The following SGK3 variants were observed in gnomAD, a reference collection of about 807,000 sequenced individuals.
SGK3 encodes the protein serum/glucocorticoid regulated kinase family member 3.
Under a neutral mutation model 68.5 loss-of-function variants are expected in SGK3, and 47 were observed. The ratio of observed to expected loss-of-function variants is 0.69; its 90% CI spans 0.54 to 0.87. The LOEUF is 0.87. Ranked by LOEUF, SGK3 falls within the 40% of genes least tolerant of loss-of-function variation. The pLI is 0.00. For synonymous variants in SGK3, 181 were observed against 189.1 expected (o/e 0.96, Z 0.35); for missense variants, 479 against 575.5 (o/e 0.83, Z 1.72).
intron 1 of SGK3, among the ~76,000 whole-genome samples, chr8:66,715,745 T>A (rs1396290632): frequency 6.6e-6 from 1 of 152,224 alleles, no homozygotes; most frequent in African/African-American, 2.4e-5. Flanking sequence ...TAGCCCTTGG[T>A]ACCTAAAGTA....
chr8:66,824,475 A>T (rs1808974069), intron 6 of SGK3, among the ~76,000 whole-genome samples: 7 of 152,174 alleles, frequency 4.6e-5, no homozygotes, highest in Admixed American at 4.6e-4. Flanking sequence ...AAAAATGTAC[A>T]GTAAAATATT....
chr8:66,838,666 T>C (rs753198903), intron 10 of SGK3, among the ~76,000 whole-genome samples: 1 of 152,124 alleles, frequency 6.6e-6, no homozygotes, highest in Non-Finnish European at 1.5e-5. Context: ...GAGGAAGGCT[T>C]GTCATCTGAA....
chr8:66,806,587 C>T (rs780866966), intron 4 of SGK3, among the ~76,000 whole-genome samples: 1 of 151,792 alleles, frequency 6.6e-6, no homozygotes, highest in Non-Finnish European at 1.5e-5. Flanking sequence ...CTGAGGTGGG[C>T]GGATCACTTG....
chr8:66,836,241 C>A (rs1308423787), intron 10 of SGK3, among the ~76,000 whole-genome samples, 167 bp downstream of exon 10: 2 of 152,126 alleles, frequency 1.3e-5, no homozygotes, highest in Non-Finnish European at 2.9e-5. Context: ...TAACACAGAG[C>A]TTTTAAGCAT....
At chr8:66,751,889 C>T (rs1447526873) in intron 1 of SGK3, among the ~76,000 whole-genome samples, 2 of 152,032 alleles carry the variant, frequency 1.3e-5, no homozygotes, top group African/African-American at 4.8e-5. Context: ...CCTCAGCCTC[C>T]CGAGTAACTG....
At chr8:66,857,788 AGTGTGTGTGTATGTGTGTGT>A (rs1403099901) in intron 16 of SGK3, among the ~76,000 whole-genome samples, 1,724 of 115,488 alleles carry the variant, frequency 0.015, 38 homozygotes, top group African/African-American at 0.053. Flanking sequence ...GTCTCAAAAA[AGTGTGTGTGTATGTGTGTGT>A]GTGTGTGTGT....
chr8:66,715,654 T>C (rs1042285854), intron 1 of SGK3, among the ~76,000 whole-genome samples: 1 of 152,260 alleles, frequency 6.6e-6, no homozygotes, highest in African/African-American at 2.4e-5. Flanking sequence ...ATGTGTTTTA[T>C]TGAAATGTTG....
intron 1 of SGK3, among the ~76,000 whole-genome samples, chr8:66,785,560 C>A (rs1807164166): frequency 1.3e-5 from 2 of 152,304 alleles, no homozygotes; most frequent in South Asian, 4.1e-4. Flanking sequence ...CACCGCCCGC[C>A]ACTCCCCCAC....
intron 4 of SGK3, among the ~76,000 whole-genome samples, chr8:66,809,487 T>C (rs1808295578): frequency 6.6e-6 from 1 of 152,106 alleles, no homozygotes; most frequent in Non-Finnish European, 1.5e-5. Flanking sequence ...AAAGTAATTA[T>C]CATAGCAGGT....
chr8:66,728,737 A>C (rs113277911), intron 1 of SGK3, among the ~76,000 whole-genome samples: 19,376 of 151,862 alleles, frequency 0.13, 2,312 homozygotes, highest in African/African-American at 0.31. Flanking sequence ...ACCCCACCTC[A>C]ACAACAACAA....
chr8:66,793,432 C>T (rs1443386924), intron 1 of SGK3, among the ~76,000 whole-genome samples, 184 bp from the exon 2 acceptor site: 1 of 152,116 alleles, frequency 6.6e-6, no homozygotes, highest in African/African-American at 2.4e-5. Context: ...GGTAGATGGG[C>T]TGCAGATATT....
intron 1 of SGK3, among the ~76,000 whole-genome samples, chr8:66,736,302 A>G (rs1480189719): frequency 6.6e-6 from 1 of 152,170 alleles, no homozygotes; most frequent in African/African-American, 2.4e-5. Context: ...AAATAAATGT[A>G]GTACAGCAAT....
intron 1 of SGK3, among the ~76,000 whole-genome samples, chr8:66,728,565 G>A (rs1304164001): frequency 6.6e-6 from 1 of 152,090 alleles, no homozygotes; most frequent in Non-Finnish European, 1.5e-5. Flanking sequence ...GACCTCAGAT[G>A]ATCCGTCCAC....
At chr8:66,782,956 T>C (rs1285066343) in intron 1 of SGK3, among the ~76,000 whole-genome samples, 1 of 152,254 alleles carries the variant, frequency 6.6e-6, no homozygotes, top group African/African-American at 2.4e-5. Context: ...TACAGGTTTT[T>C]GTGTGCACGT....
chr8:66,722,702 A>C (rs1804829705), intron 1 of SGK3, among the ~76,000 whole-genome samples: 1 of 152,192 alleles, frequency 6.6e-6, no homozygotes, highest in Admixed American at 6.5e-5. Context: ...CATTGCTATA[A>C]AAAAATACCT....
intron 1 of SGK3, among the ~76,000 whole-genome samples, chr8:66,733,152 C>A (rs1270781208): frequency 1.3e-5 from 2 of 152,034 alleles, no homozygotes; most frequent in Non-Finnish European, 2.9e-5. Flanking sequence ...ACAGAAGAAT[C>A]CAGCAAGAAT....
At chr8:66,811,051 CTG>C (rs1808362539) in intron 4 of SGK3, among the ~76,000 whole-genome samples, 1 of 152,162 alleles carries the variant, frequency 6.6e-6, no homozygotes, top group Non-Finnish European at 1.5e-5. Context: ...GTCAGTGTCT[CTG>C]TTGCCCAGGC....
At chr8:66,766,931 A>G (rs952002018) in intron 1 of SGK3, among the ~76,000 whole-genome samples, 2 of 152,194 alleles carry the variant, frequency 1.3e-5, no homozygotes, top group Admixed American at 6.5e-5. Context: ...CGCCCACCGC[A>G]ATCTCTGCCT....
chr8:66,742,513 T>A (rs1805512953), intron 1 of SGK3, among the ~76,000 whole-genome samples: 1 of 152,148 alleles, frequency 6.6e-6, no homozygotes, highest in African/African-American at 2.4e-5. Flanking sequence ...ACTACAGATG[T>A]ATGCCACCAT....
Sources: allele counts gnomAD v4.1 joint callset (sites outside exome capture counted in the v4.1 genomes callset), GRCh38; gene constraint gnomAD v4.1.1; transcripts MANE v1.5; gene names NCBI Gene and HGNC (gene_info 2026-07-23, HGNC 2026-07-21).